ARSG: variants seen among roughly 807,000 people sequenced by gnomAD.
The protein encoded by ARSG is ASG.
Under a neutral mutation model 50.5 loss-of-function variants are expected in ARSG, and 37 were observed. The observed-to-expected ratio is 0.73, with a 90% CI of 0.56 to 0.96. The LOEUF (loss-of-function observed/expected upper bound fraction) is 0.96. ARSG is among the 50% of genes least tolerant of loss of function. The pLI, the probability that ARSG is intolerant of heterozygous loss-of-function variation, is 0.00. For missense variants in ARSG, 629 were observed against 675.3 expected (o/e 0.93, Z 0.76); for synonymous variants, 225 against 254.6 (o/e 0.88, Z 1.11).
At chr17:68,427,461 A>G (rs2083274439), downstream of ARSG, 1 of 373,710 alleles carries the variant, frequency 2.7e-6, no homozygotes, top group African/African-American at 2.1e-5. Flanking sequence ...GGTTCAAGCG[A>G]TTCTCCTGCC....
At chr17:68,264,714 GGC>G (rs2075125178) in intron 1 of ARSG, among the ~76,000 whole-genome samples, 1 of 152,164 alleles carries the variant, frequency 6.6e-6, no homozygotes, top group East Asian at 1.9e-4. Context: ...TGGGATTACA[GGC>G]GTGAGCCACT....
chr17:68,331,795 G>C (rs1233040910), intron 2 of ARSG, among the ~76,000 whole-genome samples: 1 of 152,146 alleles, frequency 6.6e-6, no homozygotes, highest in Non-Finnish European at 1.5e-5. Context: ...GTCCGGGGGA[G>C]ACATCACATG....
downstream of ARSG, chr17:68,427,122 C>G (rs749189899): frequency 6.2e-7 from 1 of 1,608,498 alleles, no homozygotes; most frequent in African/African-American, 1.3e-5. Flanking sequence ...CTGTTGGCCC[C>G]GTGTCCACCC....
At chr17:68,303,793 C>G (rs1334192788) in intron 1 of ARSG, among the ~76,000 whole-genome samples, 2 of 152,186 alleles carry the variant, frequency 1.3e-5, no homozygotes, top group East Asian at 3.9e-4. Flanking sequence ...GAGCTTAGAT[C>G]TTAATCAAAG....
intron 6 of ARSG, 147 bp from the exon 7 acceptor site, chr17:68,368,401 G>T: frequency 1.5e-6 from 1 of 672,614 alleles, no homozygotes; most frequent in Non-Finnish European, 2.5e-6. Flanking sequence ...ACATTTCCTT[G>T]GAAGATTCTG....
the ARSG span, among the ~76,000 whole-genome samples, chr17:68,436,758 A>G: frequency 6.6e-6 from 1 of 152,196 alleles, no homozygotes; most frequent in Admixed American, 6.5e-5. Context: ...TAATTCCAGC[A>G]CTTTGAGGCG....
chr17:68,354,922 A>C (rs1246116105), intron 5 of ARSG, among the ~76,000 whole-genome samples: 1 of 152,218 alleles, frequency 6.6e-6, no homozygotes, highest in East Asian at 1.9e-4. Flanking sequence ...CAGTCTGACC[A>C]TATCTCCTAT....
intron 11 of ARSG, among the ~76,000 whole-genome samples, chr17:68,406,937 C>T (rs2081751501): frequency 6.6e-6 from 1 of 152,174 alleles, no homozygotes; most frequent in Admixed American, 6.5e-5. Flanking sequence ...TTCATGAAAT[C>T]CTTGCCTAAG....
At chr17:68,363,203 T>C (rs1375772953) in intron 6 of ARSG, among the ~76,000 whole-genome samples, 2 of 152,152 alleles carry the variant, frequency 1.3e-5, no homozygotes, top group East Asian at 3.8e-4. Context: ...AGGAGGACTA[T>C]TGGTGGCTTT....
chr17:68,347,071 C>A (rs1023505848), intron 3 of ARSG, 54 bp from the exon 4 acceptor site: 2 of 1,594,882 alleles, frequency 1.3e-6, no homozygotes, highest in African/African-American at 1.3e-5. Flanking sequence ...CCTCAGGGGG[C>A]TGTGGTACCC....
chr17:68,354,478 G>C (rs1480291922), intron 5 of ARSG, among the ~76,000 whole-genome samples: 1 of 151,730 alleles, frequency 6.6e-6, no homozygotes, highest in African/African-American at 2.4e-5. Context: ...GCTTAGGAGA[G>C]AGAGAAAAAC....
At chr17:68,332,401 G>T (rs551699332) in intron 2 of ARSG, among the ~76,000 whole-genome samples, 1 of 152,060 alleles carries the variant, frequency 6.6e-6, no homozygotes, top group South Asian at 2.1e-4. Flanking sequence ...AACAATTTGT[G>T]CAGTTAATGC....
chr17:68,273,805 G>A lies in ARSG; in HGVS notation c.-552+14379G>A, dbSNP rs1277501594. On this transcript the variant is annotated intron_variant, in intron 1 of 11. Coordinates refer to the ARSG transcript ENST00000448504. The stretch of plus-strand genomic sequence containing the variant: ...TTCAAAACTACTGATCTGAGACACT[G>A]TTAATGTTAAAGAAAAAAAGAAAGA... The A allele has an allele frequency of 3.3e-6, 4 of 1,212,504 alleles. No individual in the cohort carries two copies. The African/African-American group carries it at 6.1e-5, about 18-fold the overall frequency. The allele number at this position is 1,212,504 out of a possible 1,614,324, so 75.1% of individuals were successfully genotyped here. A position where few individuals can be genotyped will look rare whatever the true frequency, so the allele number is the denominator to read the frequency against.
chr17:68,299,973 C>G (rs1304634469), intron 1 of ARSG, among the ~76,000 whole-genome samples: 1 of 140,996 alleles, frequency 7.1e-6, no homozygotes, highest in Non-Finnish European at 1.5e-5. Flanking sequence ...GGGTCTTGCT[C>G]TGTTGCCCAG....
At chr17:68,371,349 C>T (rs2079837857) in intron 8 of ARSG, among the ~76,000 whole-genome samples, 1 of 148,862 alleles carries the variant, frequency 6.7e-6, no homozygotes, top group Non-Finnish European at 1.5e-5. Flanking sequence ...AGGAGAGAGG[C>T]TCAGAGAGGG....
intron 2 of ARSG, among the ~76,000 whole-genome samples, chr17:68,315,590 T>C (rs1477952497): frequency 6.6e-6 from 1 of 151,934 alleles, no homozygotes; most frequent in Non-Finnish European, 1.5e-5. Flanking sequence ...TGAAGGATTT[T>C]TGTGCTGTCC....
At chr17:68,317,044 TG>T (rs2077094150) in intron 2 of ARSG, among the ~76,000 whole-genome samples, 1 of 152,154 alleles carries the variant, frequency 6.6e-6, no homozygotes, top group Non-Finnish European at 1.5e-5. Flanking sequence ...ATTCGTTTTT[TG>T]TTTGTTTTTA....
At chr17:68,337,289 C>T (rs1029756450) in intron 2 of ARSG, among the ~76,000 whole-genome samples, 4 of 152,260 alleles carry the variant, frequency 2.6e-5, no homozygotes, top group East Asian at 3.9e-4. Flanking sequence ...ACTGGAAATA[C>T]GGATTTGGAG....
the ARSG span, chr17:68,430,293 C>T: frequency 3.5e-6 from 3 of 849,012 alleles, no homozygotes; most frequent in Non-Finnish European, 5.4e-6. Context: ...TAATGTTCTG[C>T]CCACTGAGAA....
Sources: gnomAD v4.1 joint callset for allele counts (sites outside exome capture counted in the v4.1 genomes callset) on GRCh38, gnomAD v4.1.1 for gene constraint, MANE v1.5 for transcripts, NCBI Gene and HGNC (gene_info 2026-07-23, HGNC 2026-07-21) for gene names.